PDE4D: variants seen among roughly 807,000 people sequenced by gnomAD.
The protein encoded by PDE4D is 3',5'-cyclic-AMP phosphodiesterase 4D.
PDE4D carries 24 observed loss-of-function variants against 87.4 expected under a neutral mutation model. That is an observed-to-expected ratio of 0.27 (90% CI 0.20 to 0.39). The LOEUF (loss-of-function observed/expected upper bound fraction) is 0.39, where lower values mean the gene tolerates loss of function less well. PDE4D is among the 10% of genes least tolerant of loss of function. The pLI is 1.00. For synonymous variants in PDE4D, 384 were observed against 383.2 expected, an observed-to-expected ratio of 1.00 and a Z score of -0.02; for missense variants, 714 against 1,041.0, an observed-to-expected ratio of 0.69 and a Z score of 4.32.
intron 1 of PDE4D, among the ~76,000 whole-genome samples, chr5:59,696,094 T>C (rs934265107): frequency 2.6e-5 from 4 of 152,212 alleles, no homozygotes; most frequent in African/African-American, 9.6e-5. Context: ...GTTAACTTTT[T>C]AAAAAGTCAA....
intron 5 of PDE4D, among the ~76,000 whole-genome samples, chr5:59,105,126 G>A (rs1392173988): frequency 6.6e-6 from 1 of 152,190 alleles, no homozygotes; most frequent in Non-Finnish European, 1.5e-5. Flanking sequence ...TCTTTGAGAT[G>A]AAAGTCAAAT....
intron 1 of PDE4D, among the ~76,000 whole-genome samples, chr5:59,421,136 G>A (rs1327254008): frequency 3.9e-5 from 6 of 152,082 alleles, no homozygotes; most frequent in African/African-American, 1.2e-4. Flanking sequence ...ACAATCACAA[G>A]CTTGGATTTC....
At chr5:60,511,631 C>CCCT (rs1368534547) in intron 1 of PDE4D, among the ~76,000 whole-genome samples, 1 of 151,622 alleles carries the variant, frequency 6.6e-6, no homozygotes, top group Non-Finnish European at 1.5e-5. Flanking sequence ...AAATTATGGA[C>CCCT]CCTGTGTTAC....
intron 2 of PDE4D, among the ~76,000 whole-genome samples, chr5:59,991,018 G>C (rs746683934): frequency 5.9e-5 from 9 of 152,256 alleles, no homozygotes; most frequent in Middle Eastern, 3.4e-3. Flanking sequence ...GGCAGAGTGA[G>C]TATTAGTAGA....
At chr5:60,074,729 G>T (rs568292039) in intron 2 of PDE4D, among the ~76,000 whole-genome samples, 1 of 152,260 alleles carries the variant, frequency 6.6e-6, no homozygotes, top group African/African-American at 2.4e-5. Flanking sequence ...AGCTTTTCTT[G>T]TTGAATTAAA....
chr5:59,780,665 C>A (rs949622360), intron 1 of PDE4D, among the ~76,000 whole-genome samples: 2 of 152,162 alleles, frequency 1.3e-5, no homozygotes, highest in African/African-American at 4.8e-5. Flanking sequence ...GTTTGTGTAA[C>A]TTTTTCCTTG....
At chr5:59,278,714 G>A (rs1199631365) in intron 1 of PDE4D, among the ~76,000 whole-genome samples, 1 of 151,840 alleles carries the variant, frequency 6.6e-6, no homozygotes, top group Non-Finnish European at 1.5e-5. Context: ...TATTTATTCT[G>A]TAAATAGATT....
chr5:60,369,455 C>A (rs1202217809), intron 1 of PDE4D, among the ~76,000 whole-genome samples: 1 of 152,120 alleles, frequency 6.6e-6, no homozygotes, highest in African/African-American at 2.4e-5. Flanking sequence ...CTCTTCAATA[C>A]CCAATAACTC....
chr5:59,140,988 A>G (rs1397889266), intron 5 of PDE4D, among the ~76,000 whole-genome samples: 1 of 152,206 alleles, frequency 6.6e-6, no homozygotes, highest in East Asian at 1.9e-4. Flanking sequence ...ATGATCTTCT[A>G]TTTTTAGGGG....
chr5:59,587,402 C>G, intron 1 of PDE4D: 1 of 970,590 alleles, frequency 1.0e-6, no homozygotes, highest in African/African-American at 1.8e-5. Flanking sequence ...GTCATTTATT[C>G]TGATGCTCTG....
Position 59,704,037 on chromosome 5 carries a change from C to T in PDE4D, c.455+189131G>A, listed in dbSNP as rs1471295718. Among the ~76,000 whole-genome samples, 4 of 152,172 alleles carry T rather than the reference C, an allele frequency of 2.6e-5. No individual in the cohort carries two copies. In the East Asian group the frequency reaches 7.7e-4, roughly 29 times the overall value. On this transcript the variant is annotated intron_variant, in intron 1 of 14. Coordinates refer to ENST00000340635, the MANE Select transcript of PDE4D (RefSeq NM_001104631.2). Reference sequence around the variant, plus strand: ...ATGTTACACAACAGGAAATGTAACACATGACCTCCAGCTCGAAAAATTTGA... The same window carrying T: ...ATGTTACACAACAGGAAATGTAACATATGACCTCCAGCTCGAAAAATTTGA...
At chr5:60,502,970 A>C (rs1013424686) in intron 1 of PDE4D, among the ~76,000 whole-genome samples, 3 of 152,148 alleles carry the variant, frequency 2.0e-5, no homozygotes, top group Non-Finnish European at 4.4e-5. Context: ...AAGGTTAGGA[A>C]ATTTTTAGAA....
intron 6 of PDE4D, 148 bp from the exon 7 acceptor site, chr5:58,993,613 T>A: frequency 5.6e-6 from 3 of 533,350 alleles, no homozygotes; most frequent in Non-Finnish European, 9.8e-6. Context: ...AGAACTTTCT[T>A]CAATGAGGGG....
chr5:60,428,739 T>G (rs1287518976), intron 1 of PDE4D, among the ~76,000 whole-genome samples: 1 of 152,202 alleles, frequency 6.6e-6, no homozygotes, highest in Non-Finnish European at 1.5e-5. Context: ...GATGTAAGCT[T>G]CATGACAGCA....
At chr5:59,971,363 A>AAAATAAATATAT in intron 3 of PDE4D, among the ~76,000 whole-genome samples, 1 of 145,978 alleles carries the variant, frequency 6.9e-6, no homozygotes, top group East Asian at 2.0e-4. Context: ...ATAATAATAA[A>AAAATAAATATAT]AAATAAATAA....
At chr5:60,452,887 G>T (rs1380084207) in intron 1 of PDE4D, among the ~76,000 whole-genome samples, 1 of 152,072 alleles carries the variant, frequency 6.6e-6, no homozygotes, top group African/African-American at 2.4e-5. Context: ...AATGTGGCCA[G>T]ATTTCTCCAG....
intron 5 of PDE4D, among the ~76,000 whole-genome samples, chr5:59,055,060 C>T (rs947706078): frequency 1.3e-5 from 2 of 152,122 alleles, no homozygotes; most frequent in Non-Finnish European, 2.9e-5. Flanking sequence ...CATAAAGCAG[C>T]GGCCACTCAC....
At chr5:58,998,443 T>C (rs189345083) in intron 6 of PDE4D, among the ~76,000 whole-genome samples, 140 of 152,286 alleles carry the variant, frequency 9.2e-4, no homozygotes, top group South Asian at 1.7e-3. Flanking sequence ...TGAAGATTTT[T>C]AGCCAAGAAA....
intron 3 of PDE4D, among the ~76,000 whole-genome samples, chr5:59,933,982 T>C (rs550999180): frequency 6.6e-6 from 1 of 152,108 alleles, no homozygotes; most frequent in South Asian, 2.1e-4. Context: ...GAGGGTTTTC[T>C]TTTTCTTTTT....
Sources: allele counts gnomAD v4.1 joint callset (sites outside exome capture counted in the v4.1 genomes callset), GRCh38; gene constraint gnomAD v4.1.1; transcripts MANE v1.5; gene names NCBI Gene and HGNC (gene_info 2026-07-23, HGNC 2026-07-21).